The following KATNAL2 variants were observed in gnomAD, a reference collection of about 807,000 sequenced individuals.
The protein encoded by KATNAL2 is katanin catalytic subunit A1 like 2.
In KATNAL2, 52 loss-of-function variants were observed where a neutral mutation model predicts 76.3. The observed-to-expected ratio is 0.68, with a 90% confidence interval of 0.55 to 0.86. The LOEUF is 0.86. KATNAL2 is among the 40% of genes least tolerant of loss of function. The probability of loss-of-function intolerance (pLI) is 0.00; values close to 1 mark genes in which losing one functional copy is unlikely to be tolerated. For synonymous variants in KATNAL2, 243 were observed against 244.2 expected (o/e 1.00, Z 0.05); for missense variants, 660 against 668.9 (o/e 0.99, Z 0.15).
chr18:47,085,106 G>A (rs936166076), intron 15 of KATNAL2, among the ~76,000 whole-genome samples: 15 of 152,156 alleles, frequency 9.9e-5, no homozygotes, highest in Non-Finnish European at 2.2e-4. Flanking sequence ...GTTACCAGAA[G>A]TGATACTAAT....
rs1283577986 is a variant in KATNAL2 at position 47,046,626 on chromosome 18, G to C, written c.122+99G>C. On this transcript the variant is annotated intron_variant, in intron 4 of 17. Transcript: ENST00000683218. ...TAAATACAATAGACTTTCTTGTTTA[G>C]AGCAATTCTATATTTACAGAAAAAT... The C allele has an allele frequency of 1.5e-5, 13 of 862,594 alleles. No homozygotes were observed. The East Asian group carries it at 3.2e-4, about 21-fold the overall frequency. The allele number at this position is 862,594 out of a possible 1,614,324, so 53.4% of individuals were successfully genotyped here.
intron 3 of KATNAL2, among the ~76,000 whole-genome samples, chr18:46,950,309 T>G (rs182194350): frequency 6.6e-6 from 1 of 152,184 alleles, no homozygotes; most frequent in Non-Finnish European, 1.5e-5. Context: ...TTGGGGTCTA[T>G]GTGCAAGGAA....
At chr18:47,086,556 C>G (rs967902500) in intron 15 of KATNAL2, among the ~76,000 whole-genome samples, 1 of 152,176 alleles carries the variant, frequency 6.6e-6, no homozygotes, top group African/African-American at 2.4e-5. Context: ...ACCTCATGAT[C>G]CACCTGCCTC....
chr18:46,941,170 A>C (rs2059235799), intron 1 of KATNAL2, among the ~76,000 whole-genome samples: 1 of 152,166 alleles, frequency 6.6e-6, no homozygotes, highest in South Asian at 2.1e-4. Flanking sequence ...ATAAAAATAC[A>C]AAAATTAGTC....
intron 1 of KATNAL2, among the ~76,000 whole-genome samples, chr18:46,934,115 C>T (rs1175013216): frequency 3.3e-5 from 5 of 151,992 alleles, no homozygotes; most frequent in African/African-American, 7.3e-5. Context: ...CACACGTGTG[C>T]GTGTGTCTTT....
rs781011383 is a variant in KATNAL2 at position 46,928,996 on chromosome 18, A to G, written c.-510+11070A>G. Among the ~76,000 whole-genome samples, 5 of 151,812 alleles carry G rather than the reference A, an allele frequency of 3.3e-5. No individual in the cohort carries two copies. The South Asian group carries it at 1.0e-3, about 32-fold the overall frequency. Reference sequence around the variant, plus strand: ...GTACTTTTAGTAGAGACGGGTTTTCACCATTTGGGCAGGCTGGTCTCGAAC... The same window carrying G: ...GTACTTTTAGTAGAGACGGGTTTTCGCCATTTGGGCAGGCTGGTCTCGAAC... On this transcript the variant is annotated intron_variant, in intron 1 of 17. Coordinates refer to ENST00000683218, the MANE Select transcript of KATNAL2 (RefSeq NM_001387690.1).
intron 6 of KATNAL2, among the ~76,000 whole-genome samples, chr18:47,057,899 A>G (rs2061516429): frequency 6.6e-6 from 1 of 152,180 alleles, no homozygotes; most frequent in Admixed American, 6.5e-5. Context: ...AGGAAGGTGG[A>G]AGGAACAATG....
intron 1 of KATNAL2, among the ~76,000 whole-genome samples, chr18:46,939,338 TA>T (rs11313068): frequency 0.56 from 80,565 of 142,614 alleles, 22,558 homozygotes; most frequent in African/African-American, 0.67. Context: ...ATCTCACAAT[TA>T]AAAAAAAAAA....
rs1010193121 is a variant in KATNAL2, at chr18:47,035,660, G to A, written c.52-10797G>A. On this transcript the variant is annotated intron_variant, in intron 3 of 17. Coordinates refer to ENST00000683218, the MANE Select transcript of KATNAL2 (RefSeq NM_001387690.1). ...CCCCGCCCCCATACGTACTCATGCC[G>A]TCAGCACAATGCAGACAATCGGGAC... The A allele has an allele frequency of 2.1e-5, 8 of 381,708 alleles. No individual in the cohort carries two copies. The East Asian group carries it at 3.6e-4, about 17-fold the overall frequency. The allele number at this position is 381,708 out of a possible 1,614,324, so 23.6% of individuals were successfully genotyped here.
At chr18:47,044,660 C>T (rs762815365) in intron 3 of KATNAL2, among the ~76,000 whole-genome samples, 1 of 151,504 alleles carries the variant, frequency 6.6e-6, no homozygotes, top group Non-Finnish European at 1.5e-5. Flanking sequence ...ACTCAGGAGG[C>T]TGAGGCAGGA....
chr18:47,068,439 A>G (rs1466472572), intron 11 of KATNAL2, among the ~76,000 whole-genome samples: 1 of 152,134 alleles, frequency 6.6e-6, no homozygotes, highest in East Asian at 1.9e-4. Flanking sequence ...ATAGAAATTT[A>G]CTCACCTTTT....
intron 15 of KATNAL2, among the ~76,000 whole-genome samples, chr18:47,082,213 TGAC>T (rs2062558892): frequency 6.6e-6 from 1 of 152,196 alleles, no homozygotes; most frequent in African/African-American, 2.4e-5. Flanking sequence ...TCAGAGCTAC[TGAC>T]ATTTTCAGGC....
chr18:47,100,768 A>G, intron 17 of KATNAL2, 98 bp from the exon 18 acceptor site: 1 of 1,394,718 alleles, frequency 7.2e-7, no homozygotes, highest in African/African-American at 1.4e-5. Context: ...AGAATGCTGC[A>G]TTATGCATTA....
intron 3 of KATNAL2, chr18:47,032,729 G>T: frequency 1.8e-6 from 1 of 570,496 alleles, no homozygotes; most frequent in Non-Finnish European, 3.0e-6. Context: ...CAACTAGGGT[G>T]TTTTTAAAAA....
chr18:46,958,786 C>T (rs916576696), intron 3 of KATNAL2, among the ~76,000 whole-genome samples: 7 of 151,886 alleles, frequency 4.6e-5, no homozygotes, highest in African/African-American at 1.7e-4. Context: ...CAATTAAAAA[C>T]AAACAAAAAA....
At chr18:47,034,679 C>T (rs2146961932) in intron 3 of KATNAL2, 1 of 1,613,466 alleles carries the variant, frequency 6.2e-7, no homozygotes, top group Non-Finnish European at 8.5e-7. Flanking sequence ...TGAGTGTGGC[C>T]TCTTCCGGGT....
At chr18:47,068,801 C>T (rs921113855) in intron 11 of KATNAL2, among the ~76,000 whole-genome samples, 3 of 152,144 alleles carry the variant, frequency 2.0e-5, no homozygotes, top group Admixed American at 6.6e-5. Flanking sequence ...GTACTTTATT[C>T]GAATAAACCT....
intron 15 of KATNAL2, among the ~76,000 whole-genome samples, chr18:47,085,835 G>A (rs538351416): frequency 6.6e-6 from 1 of 152,106 alleles, no homozygotes; most frequent in Non-Finnish European, 1.5e-5. Context: ...GGGAATGGTG[G>A]CTTATGCTTG....
At position 47,035,096 on chromosome 18, in the gene KATNAL2, G is replaced by A. The variant is rs767426854; in HGVS notation, c.52-11361G>A. ...AAGTCGCCCACGTGCTGGTGCTTCCGCAGGCGCTTCACCGTCTTTCTGATT... is the reference window on the plus strand; with the variant it reads ...AAGTCGCCCACGTGCTGGTGCTTCCACAGGCGCTTCACCGTCTTTCTGATT... On this transcript the variant is annotated intron_variant, in intron 3 of 17. Coordinates refer to ENST00000683218, the MANE Select transcript of KATNAL2 (RefSeq NM_001387690.1). 48 of 1,610,768 alleles carry A rather than the reference G, an allele frequency of 3.0e-5. No individual in the cohort carries two copies. The African/African-American group carries it at 4.8e-4, about 16-fold the overall frequency.
Sources: allele counts gnomAD v4.1 joint callset (sites outside exome capture counted in the v4.1 genomes callset), GRCh38; gene constraint gnomAD v4.1.1; transcripts MANE v1.5; gene names NCBI Gene and HGNC (gene_info 2026-07-23, HGNC 2026-07-21).